The following XRRA1 variants were observed in gnomAD, a reference collection of about 807,000 sequenced individuals.
XRRA1 encodes the protein X-ray radiation resistance-associated protein 1.
In XRRA1, 69 loss-of-function variants were observed where a neutral mutation model predicts 80.2. The observed-to-expected ratio is 0.86, with a 90% CI of 0.71 to 1.05. The LOEUF is 1.05. Among genes scored for constraint, XRRA1 ranks in the 50% least tolerant of loss-of-function variants. The pLI is 0.00. For synonymous variants in XRRA1, 348 were observed against 389.9 expected, an observed-to-expected ratio of 0.89 and a Z score of 1.27; for missense variants, 967 against 976.4, an observed-to-expected ratio of 0.99 and a Z score of 0.13.
chr11:74,878,785 A>G (rs375565521), intron 10 of XRRA1, among the ~76,000 whole-genome samples: 4 of 151,110 alleles, frequency 2.6e-5, no homozygotes, highest in Non-Finnish European at 5.9e-5. Flanking sequence ...GATATGCGGC[A>G]TTATTTCTGA....
At chr11:74,924,573 C>A (rs1941778744) in intron 7 of XRRA1, among the ~76,000 whole-genome samples, 1 of 152,030 alleles carries the variant, frequency 6.6e-6, no homozygotes, top group African/African-American at 2.4e-5. Flanking sequence ...GTGGCTCACG[C>A]CTGTAATCCC....
intron 10 of XRRA1, among the ~76,000 whole-genome samples, chr11:74,868,420 A>C (rs1484346744): frequency 6.6e-6 from 1 of 152,250 alleles, no homozygotes; most frequent in African/African-American, 2.4e-5. Flanking sequence ...GCCACTACAA[A>C]AACACACTTA....
chr11:74,865,671 C>T (rs1159931657), intron 10 of XRRA1, among the ~76,000 whole-genome samples: 1 of 152,238 alleles, frequency 6.6e-6, no homozygotes, highest in East Asian at 1.9e-4. Context: ...CCACCAGCTT[C>T]ATTCCTACAA....
chr11:74,880,768 G>A (rs2047343779), intron 10 of XRRA1, among the ~76,000 whole-genome samples: 2 of 151,346 alleles, frequency 1.3e-5, no homozygotes, highest in South Asian at 2.1e-4. Context: ...GTAGTTGAGC[G>A]GTTTTGAGTG....
chr11:74,907,860 G>A (rs1171702160), intron 8 of XRRA1, among the ~76,000 whole-genome samples: 6 of 152,160 alleles, frequency 3.9e-5, no homozygotes, highest in Admixed American at 6.5e-5. Context: ...CAAACTCTCT[G>A]AAGATTCCCA....
rs1279381059 is a variant in XRRA1 at position 74,859,168 on chromosome 11, GCCAGGCTAAGGT to G, written c.1148_1159del (p.Tyr383_Ala387delinsSer). The stretch of plus-strand genomic sequence containing the variant: ...GGAGCAGAAAGTCACCTTGTTGTAG[GCCAGGCTAAGGT>G]ATCTCAGCTCTGGGAAGGGTGGGGC... On this transcript the variant is annotated inframe_deletion, in exon 12 of 19. Coordinates refer to ENST00000684022, the MANE Select transcript of XRRA1 (RefSeq NM_001378157.1). 3 of 1,600,828 alleles carry G rather than the reference GCCAGGCTAAGGT, an allele frequency of 1.9e-6. No homozygotes were observed. The South Asian group carries it at 3.4e-5, about 18-fold the overall frequency.
At chr11:74,872,400 T>C (rs1018543838) in intron 10 of XRRA1, among the ~76,000 whole-genome samples, 1 of 152,080 alleles carries the variant, frequency 6.6e-6, no homozygotes, top group Non-Finnish European at 1.5e-5. Context: ...AAAAACCACT[T>C]GAGGGTGGTT....
chr11:74,942,663 T>G (rs1379580492), intron 2 of XRRA1, among the ~76,000 whole-genome samples: 1 of 152,244 alleles, frequency 6.6e-6, no homozygotes, highest in Non-Finnish European at 1.5e-5. Flanking sequence ...CTATGCCATT[T>G]ACTAGCTGTG....
At chr11:74,888,080 C>A (rs1448713381) in intron 10 of XRRA1, among the ~76,000 whole-genome samples, 2 of 152,182 alleles carry the variant, frequency 1.3e-5, no homozygotes, top group Non-Finnish European at 1.5e-5. Flanking sequence ...AGTGGTGGTT[C>A]TCCCAGCATG....
intron 7 of XRRA1, among the ~76,000 whole-genome samples, chr11:74,924,572 G>A (rs540709985): frequency 2.6e-5 from 4 of 152,290 alleles, no homozygotes; most frequent in East Asian, 3.9e-4. Flanking sequence ...GGTGGCTCAC[G>A]CCTGTAATCC....
intron 10 of XRRA1, among the ~76,000 whole-genome samples, chr11:74,882,941 G>A (rs1364911836): frequency 6.6e-6 from 1 of 152,336 alleles, no homozygotes; most frequent in South Asian, 2.1e-4. Context: ...ATTTAAGTCT[G>A]CAGAGGTTAC....
At chr11:74,915,953 G>GT (rs924178591) in intron 8 of XRRA1, among the ~76,000 whole-genome samples, 3 of 151,360 alleles carry the variant, frequency 2.0e-5, no homozygotes, top group Non-Finnish European at 2.9e-5. Flanking sequence ...TGATTGACAG[G>GT]TTTTTTTTTC....
chr11:74,863,228 T>C, intron 10 of XRRA1: 1 of 608,604 alleles, frequency 1.6e-6, no homozygotes, highest in Admixed American at 2.8e-5. Context: ...TAGGATAAAA[T>C]ACAAACTGCT....
In XRRA1 at chr11:74,940,865, C is replaced by T; in HGVS notation, c.14G>A (p.Gly5Glu). 6.2e-7 allele frequency: 1 copy of T among 1,607,670 alleles called. No homozygotes were observed. The highest frequency in any genetic ancestry group is 8.5e-7 in the Non-Finnish European group (1 of 1,177,110). Residue 5 changes from glycine (G) to glutamate (E), a missense_variant, in exon 3 of 19, where the codon GGA becomes GAA. Gly to Glu is a moderately conservative substitution (Grantham distance 98, BLOSUM62 -2). Transcript: ENST00000684022. MAFS[G>E]IYKLDDGKPY... Reference sequence around the variant, plus strand: ...CTTCCCATCATCCAGCTTGTAGATTCCTGAGAAGGCCATCTCCCTGAGAGC... The same window carrying T: ...CTTCCCATCATCCAGCTTGTAGATTTCTGAGAAGGCCATCTCCCTGAGAGC...
intron 10 of XRRA1, among the ~76,000 whole-genome samples, chr11:74,873,720 T>G (rs568418410): frequency 1.3e-5 from 2 of 152,184 alleles, no homozygotes; most frequent in African/African-American, 2.4e-5. Flanking sequence ...ACAGAAGATA[T>G]AAGGTTTCAA....
At chr11:74,854,106 T>C (rs1301061180) in intron 12 of XRRA1, among the ~76,000 whole-genome samples, 1 of 152,182 alleles carries the variant, frequency 6.6e-6, no homozygotes, top group Admixed American at 6.5e-5. Flanking sequence ...TGAAAGAACA[T>C]ACAATTTGAA....
At chr11:74,872,285 T>G (rs1416781472) in intron 10 of XRRA1, among the ~76,000 whole-genome samples, 2 of 152,102 alleles carry the variant, frequency 1.3e-5, no homozygotes, top group African/African-American at 4.8e-5. Context: ...TATCCCCTAC[T>G]CAGTCAAGGG....
intron 10 of XRRA1, among the ~76,000 whole-genome samples, chr11:74,893,553 TA>T (rs1384822659): frequency 7.6e-6 from 1 of 131,248 alleles, no homozygotes; most frequent in Non-Finnish European, 1.7e-5. Flanking sequence ...TGAAGTATAA[TA>T]AAAAATAAAA....
intron 10 of XRRA1, among the ~76,000 whole-genome samples, chr11:74,888,606 G>A (rs538581937): frequency 2.6e-5 from 4 of 152,294 alleles, no homozygotes; most frequent in South Asian, 2.1e-4. Context: ...GGCTTCGGAC[G>A]ATCGAACTAC....
Sources: gnomAD v4.1 joint callset for allele counts (sites outside exome capture counted in the v4.1 genomes callset) on GRCh38, gnomAD v4.1.1 for gene constraint, MANE v1.5 for transcripts, NCBI Gene and HGNC (gene_info 2026-07-23, HGNC 2026-07-21) for gene names.